The following SUSD4 variants were observed in gnomAD, a reference collection of about 807,000 sequenced individuals.
The protein encoded by SUSD4 is sushi domain containing 4, also known as sushi domain-containing protein 4.
SUSD4 carries 41 observed loss-of-function variants against 50.5 expected under a neutral mutation model. The ratio of observed to expected loss-of-function variants is 0.81; its 90% confidence interval spans 0.63 to 1.05. The LOEUF (loss-of-function observed/expected upper bound fraction) is 1.05. Among genes scored for constraint, SUSD4 ranks in the 50% least tolerant of loss-of-function variants. The pLI is 0.00. For synonymous variants in SUSD4, 257 were observed against 257.3 expected (o/e 1.00, Z 0.01); for missense variants, 580 against 634.7 (o/e 0.91, Z 0.93).
At chr1:223,264,442 G>A in intron 5 of SUSD4, 188 bp downstream of exon 5, 1 of 1,337,878 alleles carries the variant, frequency 7.5e-7, no homozygotes, top group South Asian at 2.3e-5. Flanking sequence ...GATGAGGGAA[G>A]CAAGTTTTAC....
intron 5 of SUSD4, 115 bp downstream of exon 5, chr1:223,264,515 G>A: frequency 3.4e-6 from 5 of 1,478,600 alleles, no homozygotes; most frequent in Non-Finnish European, 4.5e-6. Context: ...TGAGAAAGAT[G>A]TATTCAGAGA....
chr1:223,344,284 A>C (rs1228845492), intron 2 of SUSD4, among the ~76,000 whole-genome samples: 3 of 152,172 alleles, frequency 2.0e-5, no homozygotes, highest in Non-Finnish European at 4.4e-5. Flanking sequence ...CAAGATAAGC[A>C]AGATCTAGGG....
chr1:223,309,887 T>C (rs150753559), intron 2 of SUSD4, among the ~76,000 whole-genome samples: 6 of 152,336 alleles, frequency 3.9e-5, no homozygotes, highest in Non-Finnish European at 8.8e-5. Flanking sequence ...GTGACCTCTG[T>C]GCTTACAGGG....
chr1:223,272,508 G>A (rs927817070), intron 3 of SUSD4, among the ~76,000 whole-genome samples: 2 of 152,194 alleles, frequency 1.3e-5, no homozygotes, highest in Non-Finnish European at 2.9e-5. Context: ...CTAAGGGATG[G>A]AGCAGAAATA....
chr1:223,361,527 C>T (rs951601917), intron 2 of SUSD4, among the ~76,000 whole-genome samples: 1 of 152,124 alleles, frequency 6.6e-6, no homozygotes, highest in Admixed American at 6.5e-5. Flanking sequence ...ATAGGAACCT[C>T]ATAGGTGACT....
intron 2 of SUSD4, among the ~76,000 whole-genome samples, chr1:223,353,234 A>G (rs1213041045): frequency 6.6e-6 from 1 of 152,064 alleles, no homozygotes; most frequent in Admixed American, 6.5e-5. Flanking sequence ...TCCACACACA[A>G]TGAGTTTTCA....
Position 223,268,618 on chromosome 1 carries a change from C to G in SUSD4, c.419G>C (p.Gly140Ala). Residue 140 changes from glycine (G) to alanine (A), a missense_variant, in exon 4 of 9, where the codon GGA becomes GCA. Transcript: ENST00000366878. ...AEIHNKTYRHGEKLIITCHEG... is the reference protein window; with the variant it reads ...AEIHNKTYRHAEKLIITCHEG... ...ATGACAAGTGATGATTAGCTTCTCT[C>G]CATGTCTATATGTCTTGTTATGAAT... 1 of 1,614,110 alleles carries G rather than the reference C, an allele frequency of 6.2e-7. No individual in the cohort carries two copies. Among genetic ancestry groups the G allele is most frequent in the South Asian group, 1.1e-5 (1 of 91,068 alleles).
intron 3 of SUSD4, among the ~76,000 whole-genome samples, chr1:223,285,193 T>C (rs774121516): frequency 2.0e-5 from 3 of 152,102 alleles, no homozygotes; most frequent in Non-Finnish European, 4.4e-5. Context: ...AGACATCTCC[T>C]TAAAATACTG....
chr1:223,243,853 G>C (rs766269015), intron 5 of SUSD4, among the ~76,000 whole-genome samples: 2 of 152,218 alleles, frequency 1.3e-5, no homozygotes, highest in Non-Finnish European at 2.9e-5. Context: ...CTCCAGCATA[G>C]ATAAGGGAGA....
intron 2 of SUSD4, among the ~76,000 whole-genome samples, chr1:223,319,467 T>C (rs1666442904): frequency 2.0e-5 from 3 of 152,164 alleles, no homozygotes; most frequent in Admixed American, 2.0e-4. Flanking sequence ...AGAAAATGCT[T>C]GCCCTTCTTA....
chr1:223,364,692 G>A (rs1435080087), upstream of SUSD4, among the ~76,000 whole-genome samples: 1 of 151,638 alleles, frequency 6.6e-6, no homozygotes, highest in Non-Finnish European at 1.5e-5. The surrounding 1 kb of genome is among the most constrained non-coding windows in gnomAD (Gnocchi z 4.5). Context: ...GCGCGGGAGA[G>A]CGCTCCGCCC....
chr1:223,252,219 T>TA (rs68004270), intron 5 of SUSD4, among the ~76,000 whole-genome samples: 170 of 129,076 alleles, frequency 1.3e-3, no homozygotes, highest in Non-Finnish European at 1.5e-3. Flanking sequence ...AAAGTATAAT[T>TA]AAAAAAAAAA....
At chr1:223,228,643 C>A (rs1232000082) in intron 6 of SUSD4, among the ~76,000 whole-genome samples, 1 of 152,104 alleles carries the variant, frequency 6.6e-6, no homozygotes, top group Non-Finnish European at 1.5e-5. Context: ...TGCAAATGGC[C>A]TATAGTTTTA....
chr1:223,346,131 G>T lies in SUSD4; in HGVS notation c.148+17147C>A, dbSNP rs566878438. 2.0e-5 allele frequency among the ~76,000 whole-genome samples: 3 copies of T among 152,208 alleles called. No homozygotes were observed. In the East Asian group the frequency reaches 5.8e-4, roughly 30 times the overall value. On this transcript the variant is annotated intron_variant, in intron 2 of 8. Transcript: ENST00000366878. ...CAGCATCCCTGGTCTCCACCCTCTA[G>T]ACAGTCGTAGCACACACCCTCTATT...
At chr1:223,311,236 T>C (rs935110489) in intron 2 of SUSD4, among the ~76,000 whole-genome samples, 1 of 152,198 alleles carries the variant, frequency 6.6e-6, no homozygotes, top group Non-Finnish European at 1.5e-5. Flanking sequence ...CGAAACACTG[T>C]TTTATAAATA....
rs1553304824 is a variant in SUSD4 at position 223,317,850 on chromosome 1, T to TC, written c.149-25200dup. 5.0e-3 allele frequency among the ~76,000 whole-genome samples: 520 copies of TC among 104,412 alleles called. 1 individual carries two copies. Among genetic ancestry groups the TC allele is most frequent in the Middle Eastern group, 0.026 (5 of 192 alleles). The allele number at this position is 104,412 out of a possible 152,430, so 68.5% of individuals were successfully genotyped here. ...CTTGCCCTTCTTTTTTTTTTTTTTTTCTTTTTTTTTTTTTTTTTTATTATA... is the reference window on the plus strand; with the variant it reads ...CTTGCCCTTCTTTTTTTTTTTTTTTTCCTTTTTTTTTTTTTTTTTTATTATA... On this transcript the variant is annotated intron_variant, in intron 2 of 8. Coordinates refer to ENST00000366878, the MANE Select transcript of SUSD4 (RefSeq NM_017982.4).
At chr1:223,329,827 T>C (rs1266710700) in intron 2 of SUSD4, among the ~76,000 whole-genome samples, 1 of 151,928 alleles carries the variant, frequency 6.6e-6, no homozygotes, top group Non-Finnish European at 1.5e-5. Context: ...GATGGATGGA[T>C]GGATGGATGA....
chr1:223,263,702 AAT>A, intron 5 of SUSD4: 11 of 985,426 alleles, frequency 1.1e-5, no homozygotes, highest in Non-Finnish European at 1.2e-5. Context: ...CCTTCTGAGC[AAT>A]AGTCACCCTC....
intron 2 of SUSD4, among the ~76,000 whole-genome samples, chr1:223,336,337 G>A (rs1056067181): frequency 6.6e-6 from 1 of 152,142 alleles, no homozygotes; most frequent in South Asian, 2.1e-4. Context: ...GGAAACTGTC[G>A]TCATTCCCCA....
Sources: allele counts gnomAD v4.1 joint callset (sites outside exome capture counted in the v4.1 genomes callset), GRCh38; gene constraint gnomAD v4.1.1; non-coding constraint Gnocchi (gnomAD v3.1); transcripts MANE v1.5; gene names NCBI Gene and HGNC (gene_info 2026-07-23, HGNC 2026-07-21).